NBAS: variants seen among roughly 807,000 people sequenced by gnomAD.
The protein encoded by NBAS is NBAS subunit of NRZ tethering complex, also known as NAG/BC035112 fusion.
A neutral mutation model predicts 302.5 loss-of-function variants in NBAS; 219 were observed. That is an observed-to-expected ratio of 0.72 (90% CI 0.65 to 0.81). The LOEUF is 0.81. NBAS is among the 30% of genes least tolerant of loss of function. The probability of loss-of-function intolerance (pLI) is 0.00; values close to 1 mark genes in which losing one functional copy is unlikely to be tolerated. For missense variants in NBAS, 2,932 were observed against 2,841.6 expected (o/e 1.03, Z -0.72); for synonymous variants, 1,118 against 1,021.6 (o/e 1.09, Z -1.80).
At chr2:15,518,955 C>A (rs1662535759) in intron 9 of NBAS, among the ~76,000 whole-genome samples, 1 of 152,128 alleles carries the variant, frequency 6.6e-6, no homozygotes, top group Admixed American at 6.6e-5. Context: ...TCATCTCCCA[C>A]CAGGTCCCTC....
In NBAS at chr2:15,255,817, C is replaced by T. The variant is rs182615269; in HGVS notation, c.5725-17131G>A. 5.9e-5 allele frequency among the ~76,000 whole-genome samples: 9 copies of T among 152,222 alleles called. No individual in the cohort carries two copies. In the East Asian group the frequency reaches 1.7e-3, roughly 29 times the overall value. ...CATTTGTTGAATAGAGTGACCTTTCCCCACTTTGTTTTTGTTTGCTTTGTC... is the reference window on the plus strand; with the variant it reads ...CATTTGTTGAATAGAGTGACCTTTCTCCACTTTGTTTTTGTTTGCTTTGTC... On this transcript the variant is annotated intron_variant, in intron 44 of 51. Coordinates refer to ENST00000281513, the MANE Select transcript of NBAS (RefSeq NM_015909.4).
intron 31 of NBAS, among the ~76,000 whole-genome samples, chr2:15,367,464 A>G (rs1674267290): frequency 6.6e-6 from 1 of 152,286 alleles, no homozygotes; most frequent in African/African-American, 2.4e-5. Context: ...TGTCTCAGGC[A>G]CTGTTGGAGG....
At chr2:14,926,313 C>A in the NBAS span, among the ~76,000 whole-genome samples, 1 of 152,268 alleles carries the variant, frequency 6.6e-6, no homozygotes, top group Non-Finnish European at 1.5e-5. Flanking sequence ...CTCCTCTAGG[C>A]TTCCCTAGAG....
intron 15 of NBAS, 30 bp from the exon 16 acceptor site, chr2:15,473,377 T>A: frequency 6.2e-7 from 1 of 1,612,094 alleles, no homozygotes; most frequent in Non-Finnish European, 8.5e-7. Flanking sequence ...GACAGGAATG[T>A]TACATGACTG....
the NBAS span, among the ~76,000 whole-genome samples, chr2:14,946,689 A>G: frequency 2.0e-5 from 3 of 152,210 alleles, no homozygotes; most frequent in African/African-American, 7.2e-5. Context: ...AATAGACCTA[A>G]CTGGCATTTA....
chr2:14,790,601 T>C, the NBAS span, among the ~76,000 whole-genome samples: 1 of 151,812 alleles, frequency 6.6e-6, no homozygotes, highest in Non-Finnish European at 1.5e-5. Flanking sequence ...TCCAAGCCAC[T>C]CTTTCAATCT....
At chr2:15,205,872 A>G (rs1462658084) in intron 48 of NBAS, among the ~76,000 whole-genome samples, 1 of 152,206 alleles carries the variant, frequency 6.6e-6, no homozygotes, top group Non-Finnish European at 1.5e-5. Flanking sequence ...ACTGTGAATC[A>G]ATTAAACTTC....
the NBAS span, among the ~76,000 whole-genome samples, chr2:15,033,119 A>T: frequency 6.6e-6 from 1 of 152,200 alleles, no homozygotes; most frequent in African/African-American, 2.4e-5. Flanking sequence ...TGGAACGGCC[A>T]CTCCAATGGG....
At position 15,407,816 on chromosome 2, in the gene NBAS, T is replaced by A. The variant is rs372407445; in HGVS notation, c.2938-5515A>T. ...TAACACAAATTTATCCTCTTACAGT[T>A]CTGTAGGTCAGAAACCAAAATGGAC... On this transcript the variant is annotated intron_variant, in intron 25 of 51. Transcript: ENST00000281513. Among the ~76,000 whole-genome samples, 4 of 152,324 alleles carry A rather than the reference T, an allele frequency of 2.6e-5. No individual in the cohort carries two copies. In the East Asian group the frequency reaches 7.7e-4, roughly 29 times the overall value.
the NBAS span, among the ~76,000 whole-genome samples, chr2:15,068,242 T>C: frequency 6.6e-6 from 1 of 152,216 alleles, no homozygotes; most frequent in Non-Finnish European, 1.5e-5. Flanking sequence ...ACTTACCTAG[T>C]CCTACCGTAG....
the NBAS span, among the ~76,000 whole-genome samples, chr2:14,835,299 G>T: frequency 6.6e-6 from 1 of 151,768 alleles, no homozygotes; most frequent in Non-Finnish European, 1.5e-5. Flanking sequence ...TGAAAATATT[G>T]GTATTTTGAA....
At chr2:15,225,961 G>A (rs1667135711) in intron 47 of NBAS, among the ~76,000 whole-genome samples, 1 of 152,158 alleles carries the variant, frequency 6.6e-6, no homozygotes, top group African/African-American at 2.4e-5. Context: ...CATGGACTGG[G>A]TATCACTTGG....
In NBAS at chr2:15,468,419, C is replaced by G. The variant is rs1214183555; in HGVS notation, c.1840G>C (p.Ala614Pro). 1.2e-6 allele frequency: 2 copies of G among 1,614,096 alleles called. No homozygotes were observed. The highest frequency in any genetic ancestry group is 1.7e-5 in the Admixed American group (1 of 60,006). The stretch of plus-strand genomic sequence containing the variant: ...GCTCCTTTCCCTATTGCTAAAAGAG[C>G]CTCCAGGTCTGTGCCTTTTAATCCA... ...QYGLKGTDLE[A>P]LLAIGKGADD... Residue 614 changes from alanine to proline, a missense_variant, in exon 17 of 52, where the codon GCT becomes CCT. Ala to Pro is a conservative substitution (Grantham distance 27). Transcript: ENST00000281513.
chr2:15,265,834 GGA>G (rs1558487512), intron 44 of NBAS, among the ~76,000 whole-genome samples: 1 of 152,156 alleles, frequency 6.6e-6, no homozygotes, highest in African/African-American at 2.4e-5. Context: ...CCAGGCAAGA[GGA>G]GAGCAAAAAG....
At chr2:14,917,619 T>C in the NBAS span, among the ~76,000 whole-genome samples, 9 of 152,190 alleles carry the variant, frequency 5.9e-5, no homozygotes, top group South Asian at 1.9e-3. Flanking sequence ...ACATGGAGGG[T>C]CAAAACTGGG....
chr2:15,309,377 T>C lies in NBAS; in HGVS notation c.4583-130A>G, dbSNP rs1051854659. ...GGCAGAGACCTTTTAGGAAAGGCTG[T>C]TCAGCACCATCTAAAAACAGATCAT... is the stretch of plus-strand genomic sequence containing the variant. On this transcript the variant is annotated intron_variant, in intron 38 of 51. Transcript: ENST00000281513. 1.6e-5 allele frequency: 11 copies of C among 699,392 alleles called. No individual in the cohort carries two copies. The African/African-American group carries it at 1.6e-4, about 10-fold the overall frequency. 43.3% of individuals were successfully genotyped at this position (699,392 alleles called of 1,614,324 possible). A position where few individuals can be genotyped will look rare whatever the true frequency, so the allele number is the denominator to read the frequency against.
chr2:15,235,398 A>C (rs1442651331), intron 45 of NBAS, among the ~76,000 whole-genome samples: 1 of 152,212 alleles, frequency 6.6e-6, no homozygotes, highest in Admixed American at 6.5e-5. Context: ...GATCTGTAAA[A>C]ACAAATGTTA....
chr2:14,849,439 C>A, the NBAS span, among the ~76,000 whole-genome samples: 1 of 151,302 alleles, frequency 6.6e-6, no homozygotes, highest in Admixed American at 6.6e-5. Flanking sequence ...GTGAAAAGAC[C>A]AAATTTACGT....
the NBAS span, among the ~76,000 whole-genome samples, chr2:14,966,957 T>C: frequency 1.3e-5 from 2 of 152,196 alleles, no homozygotes; most frequent in Non-Finnish European, 2.9e-5. Context: ...GGTTTTGGTA[T>C]ACAAGATCAA....
Sources: gnomAD v4.1 joint callset for allele counts (sites outside exome capture counted in the v4.1 genomes callset) on GRCh38, gnomAD v4.1.1 for gene constraint, MANE v1.5 for transcripts, NCBI Gene and HGNC (gene_info 2026-07-23, HGNC 2026-07-21) for gene names.